Variants in MCC observed in about 807,000 individuals in gnomAD.
MCC encodes the protein MCC regulator of Wnt signaling pathway.
A neutral mutation model predicts 116.2 loss-of-function variants in MCC; 90 were observed. The observed-to-expected ratio is 0.77, with a 90% CI of 0.65 to 0.92. MCC has a LOEUF of 0.92. MCC is among the 40% of genes least tolerant of loss of function. The probability of loss-of-function intolerance (pLI) is 0.00; values close to 1 mark genes in which losing one functional copy is unlikely to be tolerated. For synonymous variants in MCC, 578 were observed against 510.5 expected, an observed-to-expected ratio of 1.13 and a Z score of -1.78; for missense variants, 1,516 against 1,312.2, an observed-to-expected ratio of 1.16 and a Z score of -2.40.
chr5:113,356,729 A>G (rs374160397), intron 2 of MCC, among the ~76,000 whole-genome samples: 2 of 152,198 alleles, frequency 1.3e-5, no homozygotes, highest in African/African-American at 4.8e-5. Flanking sequence ...CAAAGGCACT[A>G]TGCAACCTTC....
At chr5:113,137,642 C>T (rs1349540581) in intron 5 of MCC, among the ~76,000 whole-genome samples, 1 of 152,072 alleles carries the variant, frequency 6.6e-6, no homozygotes, top group Admixed American at 6.5e-5. Context: ...TGATATTAGC[C>T]TGAAACTGGT....
chr5:113,146,268 G>C (rs1055209215), intron 4 of MCC, among the ~76,000 whole-genome samples: 1 of 704 alleles, frequency 1.4e-3, no homozygotes, highest in Non-Finnish European at 0.013. Context: ...CCAGTGGACT[G>C]AAAGAATCCC....
intron 3 of MCC, among the ~76,000 whole-genome samples, chr5:113,306,974 G>C (rs1363183748): frequency 6.6e-6 from 1 of 152,008 alleles, no homozygotes; most frequent in Non-Finnish European, 1.5e-5. Context: ...TAAATATAAA[G>C]ATTTATTTCT....
intron 18 of MCC, among the ~76,000 whole-genome samples, chr5:113,028,690 A>G (rs1317695535): frequency 2.0e-5 from 3 of 152,324 alleles, no homozygotes; most frequent in Non-Finnish European, 4.4e-5. Flanking sequence ...ATACCACAGT[A>G]TGCTACATTT....
At chr5:113,329,036 G>A (rs961425739) in intron 3 of MCC, among the ~76,000 whole-genome samples, 1 of 152,164 alleles carries the variant, frequency 6.6e-6, no homozygotes, top group African/African-American at 2.4e-5. Flanking sequence ...ATCTCAGCCT[G>A]CTACATGCTC....
chr5:113,027,090 G>A lies in MCC; in HGVS notation c.*212C>T, dbSNP rs1036369215. ...TGTTTACACGCTGTTGTGGGCCCAG[G>A]AGGGAAGAGCGGGCACCTCTGGATA... On this transcript the variant is annotated 3_prime_UTR_variant, in exon 19 of 19. Coordinates refer to ENST00000408903, the MANE Select transcript of MCC (RefSeq NM_001085377.2). 3.5e-6 allele frequency: 2 copies of A among 566,960 alleles called. No homozygotes were observed. Among genetic ancestry groups the A allele is most frequent in the African/African-American group, 3.8e-5 (2 of 53,012 alleles). The allele number at this position is 566,960 out of a possible 1,614,324, so 35.1% of individuals were successfully genotyped here.
At chr5:113,439,443 A>C (rs1273119547) in intron 1 of MCC, among the ~76,000 whole-genome samples, 1 of 152,248 alleles carries the variant, frequency 6.6e-6, no homozygotes, top group Non-Finnish European at 1.5e-5. Flanking sequence ...AAATGAATGA[A>C]TATGGCCAAG....
intron 3 of MCC, among the ~76,000 whole-genome samples, chr5:113,289,671 C>T (rs1766409502): frequency 6.6e-6 from 1 of 152,180 alleles, no homozygotes; most frequent in East Asian, 1.9e-4. Context: ...AGCTGATCTC[C>T]CAATTCACAG....
At chr5:113,076,408 G>T (rs1270820134) in intron 11 of MCC, among the ~76,000 whole-genome samples, 1 of 152,198 alleles carries the variant, frequency 6.6e-6, no homozygotes, top group Admixed American at 6.5e-5. Context: ...GGCAGCCACA[G>T]AGAAAGGTCG....
rs76609726 is a variant in MCC at position 113,420,446 on chromosome 5, T to A, written c.171-35234A>T. 9.0e-3 allele frequency among the ~76,000 whole-genome samples: 1,370 copies of A among 152,336 alleles called. 13 individuals carry two copies. Among genetic ancestry groups the A allele is most frequent in the Non-Finnish European group, 0.015 (1,040 of 68,040 alleles). Reference sequence around the variant, plus strand: ...CCTTGAGCAACTTTATAAGGTTTTTTAGTTTACTTCAAGGGATAACACTTC... The same window carrying A: ...CCTTGAGCAACTTTATAAGGTTTTTAAGTTTACTTCAAGGGATAACACTTC... On this transcript the variant is annotated intron_variant, in intron 1 of 18. Transcript: ENST00000408903.
At chr5:113,347,569 A>G (rs1319856999) in intron 2 of MCC, among the ~76,000 whole-genome samples, 2 of 152,192 alleles carry the variant, frequency 1.3e-5, no homozygotes, top group African/African-American at 4.8e-5. Context: ...AAAAACATAC[A>G]CTGAATACAC....
intron 2 of MCC, among the ~76,000 whole-genome samples, chr5:113,380,392 T>G (rs532257557): frequency 6.6e-6 from 1 of 152,378 alleles, no homozygotes; most frequent in African/African-American, 2.4e-5. Flanking sequence ...TATTGTCACT[T>G]AATTTGTCAT....
intron 6 of MCC, among the ~76,000 whole-genome samples, chr5:113,113,100 C>A (rs1027960324): frequency 1.3e-5 from 2 of 152,184 alleles, no homozygotes; most frequent in East Asian, 3.8e-4. Context: ...TGAGGGCCAG[C>A]GCACACCACC....
intron 14 of MCC, among the ~76,000 whole-genome samples, 167 bp from the exon 15 acceptor site, chr5:113,054,126 G>C (rs1455601746): frequency 6.6e-6 from 1 of 152,118 alleles, no homozygotes; most frequent in Admixed American, 6.5e-5. Flanking sequence ...CCACCTTTTA[G>C]GAAAGAATTA....
At chr5:113,465,476 T>C (rs1771875707) in intron 1 of MCC, among the ~76,000 whole-genome samples, 1 of 152,112 alleles carries the variant, frequency 6.6e-6, no homozygotes. Context: ...TAGAGAGAGT[T>C]TTAACATACG....
intron 1 of MCC, among the ~76,000 whole-genome samples, chr5:113,457,362 G>T (rs978892699): frequency 6.6e-6 from 1 of 152,256 alleles, no homozygotes; most frequent in Non-Finnish European, 1.5e-5. Context: ...ATTTCTCGCC[G>T]GGCCTTAGCT....
intron 3 of MCC, among the ~76,000 whole-genome samples, chr5:113,165,513 G>C (rs1332256923): frequency 2.0e-5 from 3 of 152,162 alleles, no homozygotes; most frequent in African/African-American, 7.2e-5. Context: ...ACTCGCTGCA[G>C]ATGGGATAGC....
chr5:113,235,643 T>A (rs897566191), intron 3 of MCC, among the ~76,000 whole-genome samples: 1 of 152,240 alleles, frequency 6.6e-6, no homozygotes, highest in East Asian at 1.9e-4. Flanking sequence ...TGTCCCTTTA[T>A]GATAAAACTA....
At chr5:113,093,943 G>T (rs1004689204) in intron 8 of MCC, among the ~76,000 whole-genome samples, 4 of 152,196 alleles carry the variant, frequency 2.6e-5, no homozygotes, top group African/African-American at 9.7e-5. Flanking sequence ...TAATGGAGCT[G>T]GTTGAGATGA....
Sources: allele counts gnomAD v4.1 joint callset (sites outside exome capture counted in the v4.1 genomes callset), GRCh38; gene constraint gnomAD v4.1.1; transcripts MANE v1.5; gene names NCBI Gene and HGNC (gene_info 2026-07-23, HGNC 2026-07-21).